LDLRAD4: variants seen among roughly 807,000 people sequenced by gnomAD.
The protein encoded by LDLRAD4 is low-density lipoprotein receptor class A domain-containing protein 4.
LDLRAD4 carries 5 observed loss-of-function variants against 17.0 expected under a neutral mutation model. That is an observed-to-expected ratio of 0.29 (90% CI 0.15 to 0.62). LDLRAD4 has a LOEUF of 0.62. LDLRAD4 is among the 20% of genes least tolerant of loss of function. LDLRAD4 has a pLI of 0.84. For synonymous variants in LDLRAD4, 168 were observed against 171.8 expected, an observed-to-expected ratio of 0.98 and a Z score of 0.17; for missense variants, 340 against 424.7, an observed-to-expected ratio of 0.80 and a Z score of 1.75.
At chr18:13,604,971 G>A (rs2095206853) in intron 3 of LDLRAD4, among the ~76,000 whole-genome samples, 1 of 152,148 alleles carries the variant, frequency 6.6e-6, no homozygotes, top group South Asian at 2.1e-4. Flanking sequence ...ACCCTTCCTG[G>A]CATCTGGCTC....
chr18:13,304,756 C>A (rs1021349688), intron 1 of LDLRAD4, among the ~76,000 whole-genome samples: 2 of 152,192 alleles, frequency 1.3e-5, no homozygotes, highest in African/African-American at 4.8e-5. Context: ...TATGAAACTC[C>A]TTGTCATGGA....
intron 1 of LDLRAD4, among the ~76,000 whole-genome samples, chr18:13,343,668 A>G (rs556464454): frequency 6.6e-6 from 1 of 152,310 alleles, no homozygotes; most frequent in South Asian, 2.1e-4. Context: ...ACTGACTTCC[A>G]CAATGGTTGA....
In LDLRAD4 at chr18:13,387,767, G is replaced by T. The variant is rs765740123; in HGVS notation, c.40+5G>T. 4.3e-6 allele frequency: 7 copies of T among 1,613,322 alleles called. No individual in the cohort carries two copies. Among genetic ancestry groups the T allele is most frequent in the Non-Finnish European group, 5.9e-6 (7 of 1,179,380 alleles). On this transcript the variant is annotated splice_donor_5th_base_variant and intron_variant, in intron 2 of 5. Transcript: ENST00000359446. ...AGGCCACAAATGCTTTCACAGGTGA[G>T]CATGCTCCAGGTAATCCGAGGCTTT...
chr18:13,290,934 G>A (rs564358688), intron 1 of LDLRAD4, among the ~76,000 whole-genome samples: 1 of 152,364 alleles, frequency 6.6e-6, no homozygotes, highest in African/African-American at 2.4e-5. Flanking sequence ...GGCTTCCTGA[G>A]AGAAAGGCAG....
At chr18:13,371,191 G>T (rs2084479607) in intron 1 of LDLRAD4, among the ~76,000 whole-genome samples, 1 of 152,184 alleles carries the variant, frequency 6.6e-6, no homozygotes, top group African/African-American at 2.4e-5. Context: ...CTGTGGGACT[G>T]CTGTGCTCCT....
chr18:13,442,098 A>G (rs955589953), intron 3 of LDLRAD4, among the ~76,000 whole-genome samples: 4 of 152,216 alleles, frequency 2.6e-5, no homozygotes, highest in Admixed American at 6.5e-5. Context: ...CACAAACACA[A>G]TTATTTGTTA....
intron 3 of LDLRAD4, among the ~76,000 whole-genome samples, chr18:13,567,438 G>A (rs934752526): frequency 2.0e-5 from 3 of 152,282 alleles, no homozygotes; most frequent in East Asian, 1.9e-4. Context: ...GCCTGCAAAC[G>A]CACTGTCACC....
chr18:13,357,071 T>C (rs544018135), intron 1 of LDLRAD4, among the ~76,000 whole-genome samples: 1 of 152,118 alleles, frequency 6.6e-6, no homozygotes, highest in East Asian at 1.9e-4. Context: ...GAGGTGGAGG[T>C]TGCAGTGAGC....
At chr18:13,466,411 A>C (rs1036694588) in intron 3 of LDLRAD4, among the ~76,000 whole-genome samples, 1 of 148,846 alleles carries the variant, frequency 6.7e-6, no homozygotes, top group African/African-American at 2.5e-5. Context: ...TTGAGGCTGC[A>C]GTGAGCTGTG....
chr18:13,517,514 G>A (rs1282056922), intron 3 of LDLRAD4, among the ~76,000 whole-genome samples: 1 of 152,192 alleles, frequency 6.6e-6, no homozygotes, highest in Admixed American at 6.5e-5. Flanking sequence ...AATGTCTCTG[G>A]TGGCCATCTG....
chr18:13,288,732 C>T (rs1180073454), intron 1 of LDLRAD4, among the ~76,000 whole-genome samples: 3 of 136,012 alleles, frequency 2.2e-5, no homozygotes, highest in African/African-American at 8.2e-5. Flanking sequence ...CCCCACAGAC[C>T]GTGGTCACTC....
At chr18:13,378,426 A>G (rs553425929) in intron 1 of LDLRAD4, among the ~76,000 whole-genome samples, 39 of 152,328 alleles carry the variant, frequency 2.6e-4, no homozygotes, top group African/African-American at 9.4e-4. Context: ...TGAGAGGTGC[A>G]TGTGAAGAAC....
At chr18:13,565,979 T>TCCC (rs2094596254) in intron 3 of LDLRAD4, among the ~76,000 whole-genome samples, 1 of 152,236 alleles carries the variant, frequency 6.6e-6, no homozygotes, top group African/African-American at 2.4e-5. Flanking sequence ...GGCACGCCAT[T>TCCC]CGTCCATTCG....
rs201759409 is a variant in LDLRAD4 at position 13,473,107 on chromosome 18, G to A, written c.181+34723G>A. Among the ~76,000 whole-genome samples the A allele has an allele frequency of 4.0e-5, 6 of 148,398 alleles. No homozygotes were observed. The East Asian group carries it at 1.2e-3, about 29-fold the overall frequency. ...CTGCCAGCACATCAGATGGATTGAA[G>A]CATTTGAAGGCAGAATATAGTTCAC... On this transcript the variant is annotated intron_variant, in intron 3 of 5. Coordinates refer to ENST00000359446, the Ensembl canonical transcript of LDLRAD4.
At chr18:13,321,190 A>C (rs373679803) in intron 1 of LDLRAD4, among the ~76,000 whole-genome samples, 1 of 151,990 alleles carries the variant, frequency 6.6e-6, no homozygotes, top group Non-Finnish European at 1.5e-5. Context: ...TGCTGCAGAC[A>C]GGCCGGTCTC....
At chr18:13,479,924 A>C (rs1291839792) in intron 3 of LDLRAD4, among the ~76,000 whole-genome samples, 1 of 152,202 alleles carries the variant, frequency 6.6e-6, no homozygotes, top group African/African-American at 2.4e-5. Flanking sequence ...AATACTGACA[A>C]CACCAAGTGC....
At position 13,440,191 on chromosome 18, in the gene LDLRAD4, C is replaced by T. The variant is rs886363345; in HGVS notation, c.181+1807C>T. Among the ~76,000 whole-genome samples, 1 of 152,200 alleles carries T rather than the reference C, an allele frequency of 6.6e-6. No homozygotes were observed. Among genetic ancestry groups the T allele is most frequent in the Non-Finnish European group, 1.5e-5 (1 of 68,034 alleles). On this transcript the variant is annotated intron_variant, in intron 3 of 5. Coordinates refer to ENST00000359446, the Ensembl canonical transcript of LDLRAD4. The surrounding 1 kb of genome is among the most constrained non-coding windows in gnomAD (Gnocchi z 4.4). ...CTGCTCTGGGGCGCTCCACAGGCCTCTTCTGGTCTGCGGGCTCCTCCTTTA... is the reference window on the plus strand; with the variant it reads ...CTGCTCTGGGGCGCTCCACAGGCCTTTTCTGGTCTGCGGGCTCCTCCTTTA...
chr18:13,545,227 T>A (rs1430192818), intron 3 of LDLRAD4, among the ~76,000 whole-genome samples: 1 of 152,082 alleles, frequency 6.6e-6, no homozygotes, highest in Non-Finnish European at 1.5e-5. Flanking sequence ...GTGTTTTTGA[T>A]CTTGCTCCCC....
At chr18:13,370,713 GTTT>G (rs781268070) in intron 1 of LDLRAD4, among the ~76,000 whole-genome samples, 2 of 17,202 alleles carry the variant, frequency 1.2e-4, no homozygotes, top group Non-Finnish European at 3.3e-4. Context: ...TTTTTGTTTT[GTTT>G]TTTTTTTTTT....
Sources: gnomAD v4.1 joint callset for allele counts (sites outside exome capture counted in the v4.1 genomes callset) on GRCh38, gnomAD v4.1.1 for gene constraint, Gnocchi (gnomAD v3.1) non-coding constraint, MANE v1.5 for transcripts, NCBI Gene and HGNC (gene_info 2026-07-23, HGNC 2026-07-21) for gene names.